Variants in BBX observed in about 807,000 individuals in gnomAD.
BBX encodes the protein HMG box transcription factor BBX.
BBX carries 30 observed loss-of-function variants against 100.2 expected under a neutral mutation model. The ratio of observed to expected loss-of-function variants is 0.30; its 90% CI spans 0.22 to 0.41. The LOEUF (loss-of-function observed/expected upper bound fraction) is 0.41, where lower values mean the gene tolerates loss of function less well. BBX is among the 10% of genes least tolerant of loss of function. The pLI is 1.00. For missense variants in BBX, 1,023 were observed against 1,129.8 expected (o/e 0.91, Z 1.35); for synonymous variants, 376 against 388.1 (o/e 0.97, Z 0.37).
chr3:107,576,254 T>C (rs2107532803), intron 2 of BBX, among the ~76,000 whole-genome samples: 1 of 152,348 alleles, frequency 6.6e-6, no homozygotes, highest in Middle Eastern at 3.4e-3. Context: ...GGTTCATAAA[T>C]TATAATACTA....
In BBX at chr3:107,661,683, A is replaced by G. The variant is rs188286122; in HGVS notation, c.-10+15774A>G. The stretch of plus-strand genomic sequence containing the variant: ...ATTGCCAGCTTCCTCCCTGTCTGTG[A>G]TTTCTCTGGCTGCTTAATCTCTCCA... On this transcript the variant is annotated intron_variant, in intron 3 of 17. Transcript: ENST00000325805. 581 of 180,716 alleles carry G rather than the reference A, an allele frequency of 3.2e-3. 8 individuals are homozygous for G. Among genetic ancestry groups the G allele is most frequent in the Admixed American group, 0.025 (382 of 15,306 alleles). 11.2% of individuals were successfully genotyped at this position (180,716 alleles called of 1,614,324 possible).
intron 3 of BBX, among the ~76,000 whole-genome samples, chr3:107,673,876 C>G (rs2059148466): frequency 6.6e-6 from 1 of 152,160 alleles, no homozygotes; most frequent in Non-Finnish European, 1.5e-5. Context: ...AGTCTTGTTT[C>G]ATGTAAAACA....
chr3:107,775,507 A>G (rs568825315), intron 12 of BBX, among the ~76,000 whole-genome samples: 8 of 152,306 alleles, frequency 5.3e-5, no homozygotes, highest in African/African-American at 1.9e-4. Flanking sequence ...AGGAGATCCA[A>G]TACTTTATAC....
At chr3:107,682,306 C>G (rs1158375110) in intron 3 of BBX, among the ~76,000 whole-genome samples, 1 of 152,086 alleles carries the variant, frequency 6.6e-6, no homozygotes, top group East Asian at 1.9e-4. Context: ...ACATTTTCCC[C>G]AAGTTATTTC....
intron 16 of BBX, 80 bp downstream of exon 16, chr3:107,798,800 G>A: frequency 7.6e-7 from 1 of 1,318,636 alleles, no homozygotes; most frequent in South Asian, 1.3e-5. Flanking sequence ...ATTGTCTTGA[G>A]CCACAATGAA....
chr3:107,525,153 C>T (rs2107271408), intron 1 of BBX, among the ~76,000 whole-genome samples: 1 of 148,562 alleles, frequency 6.7e-6, no homozygotes, highest in Non-Finnish European at 1.5e-5. Context: ...CCGGGGGTCC[C>T]CGGCGCCGAC....
At chr3:107,661,156 A>G (rs2058425092) in intron 3 of BBX, among the ~76,000 whole-genome samples, 1 of 152,080 alleles carries the variant, frequency 6.6e-6, no homozygotes, top group Non-Finnish European at 1.5e-5. Context: ...AGATTTTTTT[A>G]TGGTATATCT....
intron 2 of BBX, among the ~76,000 whole-genome samples, chr3:107,589,224 A>G (rs750198334): frequency 6.6e-6 from 1 of 152,236 alleles, no homozygotes; most frequent in Non-Finnish European, 1.5e-5. Context: ...GTGAGTAAGT[A>G]TCTTTTGAAC....
In BBX at chr3:107,805,496, A is replaced by G; in HGVS notation, c.*39A>G. The G allele has an allele frequency of 6.2e-7, 1 of 1,613,880 alleles. No individual in the cohort carries two copies. On this transcript the variant is annotated 3_prime_UTR_variant, in exon 18 of 18. Coordinates refer to ENST00000325805, the MANE Select transcript of BBX (RefSeq NM_001142568.3). ...TGTAAAACATTGTGCTTTACCTACT[A>G]CCCTAGCCTTGTCTTTACCGAGGGA...
intron 3 of BBX, among the ~76,000 whole-genome samples, chr3:107,685,296 C>T (rs1024143536): frequency 3.9e-5 from 6 of 152,080 alleles, no homozygotes; most frequent in African/African-American, 1.4e-4. Flanking sequence ...ATAAAGTTAC[C>T]TTGATCCACT....
At chr3:107,790,381 C>G (rs1028243950) in intron 14 of BBX, among the ~76,000 whole-genome samples, 18 of 152,038 alleles carry the variant, frequency 1.2e-4, no homozygotes, top group Admixed American at 1.2e-3. Flanking sequence ...CTTCTTCCAC[C>G]CCCCCTCGTT....
intron 2 of BBX, among the ~76,000 whole-genome samples, chr3:107,560,924 C>T (rs987259125): frequency 6.6e-6 from 1 of 152,158 alleles, no homozygotes; most frequent in Non-Finnish European, 1.5e-5. Flanking sequence ...ACTGGATCTT[C>T]CTATTGCAAG....
intron 10 of BBX, among the ~76,000 whole-genome samples, chr3:107,768,124 C>T (rs2066545585): frequency 6.6e-6 from 1 of 152,162 alleles, no homozygotes; most frequent in Admixed American, 6.5e-5. Context: ...GTTTGGGTGT[C>T]TCAGTTCTTC....
Position 107,772,928 on chromosome 3 carries a change from T to C in BBX, c.1207T>C (p.Cys403Arg). 1 of 1,611,764 alleles carries C rather than the reference T, an allele frequency of 6.2e-7. No homozygotes were observed. Among genetic ancestry groups the C allele is most frequent in the East Asian group, 2.2e-5 (1 of 44,862 alleles). ...RKEELEEDHK[C>R]SHFPDFSYSA... ...GGAAGAGTTAGAAGAAGATCACAAA[T>C]GTAGTCATTTTCCTGATTTTTCTTA... The change falls in exon 11 of 18, where the codon TGT becomes CGT. Residue 403 changes from cysteine to arginine, a missense_variant. By Grantham distance (180) the Cys-to-Arg change is radical. This residue lies in a region of BBX where 348 missense variants were observed against 353.2 expected (regional missense o/e 0.99). Transcript: ENST00000325805.
At chr3:107,707,847 T>C (rs370087475) in intron 3 of BBX, among the ~76,000 whole-genome samples, 7 of 152,288 alleles carry the variant, frequency 4.6e-5, no homozygotes, top group Admixed American at 1.3e-4. Context: ...TCCACACATA[T>C]ATATACATTC....
At chr3:107,619,483 G>T (rs1274657700) in intron 2 of BBX, among the ~76,000 whole-genome samples, 1 of 151,782 alleles carries the variant, frequency 6.6e-6, no homozygotes, top group East Asian at 1.9e-4. Context: ...AAACATAACT[G>T]TAAAATTCAA....
At position 107,807,617 on chromosome 3, in the gene BBX, G is replaced by C. The variant is rs957486483; in HGVS notation, c.*2160G>C. The C allele has an allele frequency of 1.3e-5, 2 of 151,704 alleles. No homozygotes were observed. Among genetic ancestry groups the C allele is most frequent in the African/African-American group, 2.4e-5 (1 of 41,280 alleles). The allele number at this position is 151,704 out of a possible 1,614,324, so 9.4% of individuals were successfully genotyped here. ...TTATTCTATAGAACACGTTAGAATA[G>C]ATCTATTTTTGCCAGAGCACCCTCC... On this transcript the variant is annotated 3_prime_UTR_variant, in exon 18 of 18. Transcript: ENST00000325805.
intron 3 of BBX, among the ~76,000 whole-genome samples, chr3:107,658,304 C>G (rs1002089057): frequency 1.3e-5 from 2 of 152,054 alleles, no homozygotes; most frequent in Admixed American, 1.3e-4. Context: ...TATTTTAAAT[C>G]AAAGCTCATC....
intron 2 of BBX, among the ~76,000 whole-genome samples, chr3:107,641,101 T>TG (rs551445470): frequency 0.014 from 2,133 of 150,946 alleles, 74 homozygotes; most frequent in Admixed American, 0.072. Flanking sequence ...TTTTTTTTTT[T>TG]TGAGACTGAA....
Sources: gnomAD v4.1 joint callset for allele counts (sites outside exome capture counted in the v4.1 genomes callset) on GRCh38, gnomAD v4.1.1 for gene constraint, gnomAD v4.1.1 regional missense constraint, MANE v1.5 for transcripts, NCBI Gene and HGNC (gene_info 2026-07-23, HGNC 2026-07-21) for gene names.